EPCAM: variants seen among roughly 807,000 people sequenced by gnomAD.
The protein encoded by EPCAM is epithelial cell adhesion molecule.
EPCAM carries 39 observed loss-of-function variants against 40.0 expected under a neutral mutation model. The ratio of observed to expected loss-of-function variants is 0.98; its 90% confidence interval spans 0.76 to 1.27. The LOEUF is 1.27. Ranked by LOEUF, EPCAM falls within the 50% of genes most tolerant of loss-of-function variation. The probability of loss-of-function intolerance (pLI) is 0.00; values close to 1 mark genes in which losing one functional copy is unlikely to be tolerated. For missense variants in EPCAM, 503 were observed against 381.2 expected (o/e 1.32, Z -2.66); for synonymous variants, 168 against 132.3 (o/e 1.27, Z -1.85).
At chr2:47,370,394 C>G (rs953952023) in intron 1 of EPCAM, among the ~76,000 whole-genome samples, 1 of 150,224 alleles carries the variant, frequency 6.7e-6, no homozygotes. Flanking sequence ...GCCTCAGCCT[C>G]CTGAGTAGAG....
At chr2:47,378,824 G>T in intron 5 of EPCAM, 129 bp from the exon 6 acceptor site, 1 of 623,504 alleles carries the variant, frequency 1.6e-6, no homozygotes, top group Non-Finnish European at 2.9e-6. Context: ...TCCACTAATG[G>T]AAAGGAACAG....
Position 47,374,025 on chromosome 2 carries a change from C to G in EPCAM, c.402C>G (p.Thr134=), listed in dbSNP as rs1558435373. ...VRRTDKDTEI[T]CSERVRTYWI... ...GAACAGACAAGGACACTGAAATAAC[C>G]TGCTCTGAGCGAGTGAGAACCTAGT... Residue 134 remains threonine, a synonymous_variant, in exon 3 of 9, where the codon ACC becomes ACG. Coordinates refer to ENST00000263735, the MANE Select transcript of EPCAM (RefSeq NM_002354.3). 6.2e-7 allele frequency: 1 copy of G among 1,614,188 alleles called. No homozygotes were observed. The highest frequency in any genetic ancestry group is 8.5e-7 in the Non-Finnish European group (1 of 1,180,028).
At chr2:47,371,794 A>G (rs1233230913) in intron 1 of EPCAM, among the ~76,000 whole-genome samples, 2 of 152,146 alleles carry the variant, frequency 1.3e-5, no homozygotes, top group African/African-American at 2.4e-5. Flanking sequence ...TGACCCCAGT[A>G]TTGAGTTTAG....
intron 1 of EPCAM, among the ~76,000 whole-genome samples, chr2:47,371,136 C>T (rs1284317370): frequency 6.6e-6 from 1 of 151,242 alleles, no homozygotes; most frequent in African/African-American, 2.4e-5. Context: ...TGCATCACCA[C>T]ACCCGGCCTT....
In EPCAM at chr2:47,373,527, G is replaced by A. The variant is rs186094931; in HGVS notation, c.141G>A (p.Gln47=). The A allele has an allele frequency of 8.1e-6, 13 of 1,613,732 alleles. No individual in the cohort carries two copies. Among genetic ancestry groups the A allele is most frequent in the Non-Finnish European group, 1.1e-5 (13 of 1,179,818 alleles). Reference sequence around the variant, plus strand: ...TTGTGAATAATAATCGTCAATGCCAGTGTACTTCAGTTGGTGCACAAAATA... The same window carrying A: ...TTGTGAATAATAATCGTCAATGCCAATGTACTTCAGTTGGTGCACAAAATA... ...NCFVNNNRQC[Q]CTSVGAQNTV... is the part of the protein sequence containing the mutation. Residue 47 remains glutamine (Q), a synonymous_variant, in exon 2 of 9, where the codon CAG becomes CAA. Transcript: ENST00000263735.
intron 1 of EPCAM, 152 bp downstream of exon 1, chr2:47,369,733 C>A (rs1027687237): frequency 2.4e-6 from 2 of 835,104 alleles, no homozygotes; most frequent in Non-Finnish European, 4.0e-6. Flanking sequence ...CGTGCTCCGG[C>A]TCAGGCCCTC....
chr2:47,379,823 GAAC>G lies in EPCAM; in HGVS notation c.716_718del (p.Gln239del), dbSNP rs1671534059. ...GAAAATGGACCTGACAGTAAATGGG[GAAC>G]AACTGGATCTGGATCCTGGTCAAAC... On this transcript the variant is annotated inframe_deletion, in exon 7 of 9. Coordinates refer to ENST00000263735, the MANE Select transcript of EPCAM (RefSeq NM_002354.3). The G allele has an allele frequency of 4.3e-6, 7 of 1,613,972 alleles. No homozygotes were observed. Among genetic ancestry groups the G allele is most frequent in the Non-Finnish European group, 5.9e-6 (7 of 1,179,998 alleles).
In EPCAM at chr2:47,378,969, T is replaced by C; in HGVS notation, c.572T>C (p.Ile191Thr). ...ITSILYENNV[I>T]TIDLVQNSSQ... ...TTTCCCCAGTATGAGAATAATGTTA[T>C]CACTATTGATCTGGTTCAAAATTCT... Residue 191 changes from isoleucine to threonine, a missense_variant, in exon 6 of 9, where the codon ATC becomes ACC. Physicochemically the swap from Ile to Thr is moderately conservative, Grantham distance 89. Transcript: ENST00000263735. The C allele has an allele frequency of 6.5e-7, 1 of 1,530,324 alleles. No homozygotes were observed. Among genetic ancestry groups the C allele is most frequent in the Non-Finnish European group, 9.1e-7 (1 of 1,104,150 alleles). The allele number at this position is 1,530,324 out of a possible 1,614,324, so 94.8% of individuals were successfully genotyped here. A position where few individuals can be genotyped will look rare whatever the true frequency, so the allele number is the denominator to read the frequency against.
At chr2:47,370,546 AT>A (rs1253939550) in intron 1 of EPCAM, among the ~76,000 whole-genome samples, 1 of 151,264 alleles carries the variant, frequency 6.6e-6, no homozygotes, top group African/African-American at 2.4e-5. Context: ...AAGTGCTGTG[AT>A]TACAGGCGTG....
chr2:47,379,646 T>TA, intron 6 of EPCAM, 123 bp from the exon 7 acceptor site: 1 of 1,121,444 alleles, frequency 8.9e-7, no homozygotes, highest in East Asian at 2.5e-5. Context: ...ATTAGATTGT[T>TA]ATCACTAAAA....
chr2:47,376,407 C>G (rs886226068), intron 4 of EPCAM, among the ~76,000 whole-genome samples: 7 of 152,046 alleles, frequency 4.6e-5, no homozygotes, highest in Admixed American at 1.3e-4. Context: ...CAGGCGTGCG[C>G]CACCATGCCT....
At chr2:47,372,585 A>T (rs779404998) in intron 1 of EPCAM, among the ~76,000 whole-genome samples, 1 of 152,092 alleles carries the variant, frequency 6.6e-6, no homozygotes, top group Non-Finnish European at 1.5e-5. Flanking sequence ...CAGCCTGGCC[A>T]TTATGCTGAA....
chr2:47,372,046 T>G (rs777970897), intron 1 of EPCAM, among the ~76,000 whole-genome samples: 1 of 152,182 alleles, frequency 6.6e-6, no homozygotes, highest in Non-Finnish European at 1.5e-5. Flanking sequence ...AATGAACTTT[T>G]GAGGTTGTTA....
chr2:47,377,084 T>C lies in EPCAM; in HGVS notation c.555+7T>C. 1 of 1,579,870 alleles carries C rather than the reference T, an allele frequency of 6.3e-7. No homozygotes were observed. Among genetic ancestry groups the C allele is most frequent in the Non-Finnish European group, 8.7e-7 (1 of 1,148,740 alleles). On this transcript the variant is annotated splice_region_variant and intron_variant, in intron 5 of 8. Coordinates refer to ENST00000263735, the MANE Select transcript of EPCAM (RefSeq NM_002354.3). ...ATTTATCACGAGTATTTTGGTATGATTTTTTAATAAGTGAGCTTTAGCAGA... is the reference window on the plus strand; with the variant it reads ...ATTTATCACGAGTATTTTGGTATGACTTTTTAATAAGTGAGCTTTAGCAGA...
In EPCAM at chr2:47,386,562, C is replaced by A; in HGVS notation, c.904-10C>A. The A allele has an allele frequency of 6.3e-7, 1 of 1,592,864 alleles. No homozygotes were observed. The highest frequency in any genetic ancestry group is 1.3e-5 in the African/African-American group (1 of 74,592). On this transcript the variant is annotated splice_polypyrimidine_tract_variant and intron_variant, in intron 8 of 8. Transcript: ENST00000263735. Reference sequence around the variant, plus strand: ...TTTAGAATTTTTTTCTGTGCTTTTTCCTGTTTCAGATAAAGGAGATGGGTG... The same window carrying A: ...TTTAGAATTTTTTTCTGTGCTTTTTACTGTTTCAGATAAAGGAGATGGGTG...
rs766626946 is a variant in EPCAM, at chr2:47,373,957, G to A, written c.334G>A (p.Gly112Ser). ...SGLFKAKQCN[G>S]TSMCWCVNTA... The stretch of plus-strand genomic sequence containing the variant: ...GCTCTTTAAGGCCAAGCAGTGCAAC[G>A]GCACCTCCATGTGCTGGTGTGTGAA... The change falls in exon 3 of 9, where the codon GGC (glycine) becomes AGC (serine). Residue 112 changes from glycine (G) to serine (S), a missense_variant. Gly to Ser is a moderately conservative substitution (Grantham distance 56). Coordinates refer to ENST00000263735, the MANE Select transcript of EPCAM (RefSeq NM_002354.3). 1.1e-5 allele frequency: 17 copies of A among 1,613,916 alleles called. No homozygotes were observed. The highest frequency in any genetic ancestry group is 4.5e-5 in the East Asian group (2 of 44,888).
At chr2:47,379,366 T>C (rs780726998) in intron 6 of EPCAM, among the ~76,000 whole-genome samples, 5 of 152,198 alleles carry the variant, frequency 3.3e-5, no homozygotes, top group Non-Finnish European at 7.3e-5. Context: ...AAAAGTCTGT[T>C]AAAAAAGACT....
At chr2:47,380,942 T>A (rs1671571498) in intron 7 of EPCAM, among the ~76,000 whole-genome samples, 1 of 150,316 alleles carries the variant, frequency 6.7e-6, no homozygotes, top group African/African-American at 2.5e-5. Flanking sequence ...TACAAAAAAA[T>A]TAGCTGGGCG....
chr2:47,377,764 G>T, intron 5 of EPCAM: 1 of 463,870 alleles, frequency 2.2e-6, no homozygotes. Context: ...TGTTACTGGA[G>T]CTCCCATCTT....
Sources: gnomAD v4.1 joint callset for allele counts (sites outside exome capture counted in the v4.1 genomes callset) on GRCh38, gnomAD v4.1.1 for gene constraint, MANE v1.5 for transcripts, NCBI Gene and HGNC (gene_info 2026-07-23, HGNC 2026-07-21) for gene names.